PTPRD: variants seen among roughly 807,000 people sequenced by gnomAD.
PTPRD encodes receptor-type tyrosine-protein phosphatase delta.
PTPRD carries 34 observed loss-of-function variants against 214.5 expected under a neutral mutation model. The ratio of observed to expected loss-of-function variants is 0.16; its 90% CI spans 0.12 to 0.21. PTPRD has a LOEUF of 0.21. Among genes scored for constraint, PTPRD ranks in the 10% least tolerant of loss-of-function variants. The probability of loss-of-function intolerance (pLI) is 1.00; values close to 1 mark genes in which losing one functional copy is unlikely to be tolerated. For missense variants in PTPRD, 2,545 were observed against 2,398.7 expected (o/e 1.06, Z -1.27); for synonymous variants, 1,128 against 845.7 (o/e 1.33, Z -5.79).
At chr9:8,972,829 T>G (rs2099246548) in intron 11 of PTPRD, among the ~76,000 whole-genome samples, 1 of 151,932 alleles carries the variant, frequency 6.6e-6, no homozygotes, top group African/African-American at 2.4e-5. Context: ...TCCTGAGACA[T>G]AAATATGTGC....
At chr9:8,891,151 T>TTTTTTTTTTTTTTTTA (rs1345759298) in intron 11 of PTPRD, among the ~76,000 whole-genome samples, 1 of 149,636 alleles carries the variant, frequency 6.7e-6, no homozygotes, top group African/African-American at 2.5e-5. Context: ...TTTTTTTTTT[T>TTTTTTTTTTTTTTTTA]GAGACTGAGT....
At chr9:9,477,112 T>A (rs2095107929) in intron 8 of PTPRD, among the ~76,000 whole-genome samples, 1 of 152,164 alleles carries the variant, frequency 6.6e-6, no homozygotes, top group Non-Finnish European at 1.5e-5. Context: ...AAGTGAGTGA[T>A]TCAGCAAATG....
At chr9:9,684,380 T>C (rs1197740230) in intron 7 of PTPRD, among the ~76,000 whole-genome samples, 1 of 151,662 alleles carries the variant, frequency 6.6e-6, no homozygotes, top group Non-Finnish European at 1.5e-5. Context: ...AATATTTTAC[T>C]GAGGCATTTT....
intron 7 of PTPRD, among the ~76,000 whole-genome samples, chr9:9,702,183 G>C (rs1048672968): frequency 1.3e-5 from 2 of 152,076 alleles, no homozygotes; most frequent in Non-Finnish European, 2.9e-5. Context: ...TGACGAGAAA[G>C]AAAAGGGCTA....
At chr9:9,354,110 C>T (rs1420072060) in intron 9 of PTPRD, among the ~76,000 whole-genome samples, 2 of 151,682 alleles carry the variant, frequency 1.3e-5, no homozygotes, top group African/African-American at 4.8e-5. Flanking sequence ...GGTGAATCCC[C>T]CCACACTTCA....
At chr9:8,379,324 T>A (rs1288005744) in intron 37 of PTPRD, among the ~76,000 whole-genome samples, 1 of 152,140 alleles carries the variant, frequency 6.6e-6, no homozygotes, top group African/African-American at 2.4e-5. Flanking sequence ...CATTTTTCCC[T>A]TTGCTGGTAA....
chr9:9,369,756 A>C (rs188483006), intron 9 of PTPRD, among the ~76,000 whole-genome samples: 1 of 152,290 alleles, frequency 6.6e-6, no homozygotes, highest in Admixed American at 6.5e-5. Flanking sequence ...CTAACACATA[A>C]GTCTTTAATC....
intron 43 of PTPRD, among the ~76,000 whole-genome samples, chr9:8,338,105 C>T (rs1224333866): frequency 6.6e-6 from 1 of 152,032 alleles, no homozygotes; most frequent in Non-Finnish European, 1.5e-5. Flanking sequence ...GAGAAAGCTG[C>T]TTTCCAGAAA....
intron 2 of PTPRD, among the ~76,000 whole-genome samples, chr9:10,564,168 A>ATTTTTTTTTTT (rs1591017043): frequency 5.1e-4 from 6 of 11,878 alleles, no homozygotes; most frequent in African/African-American, 5.4e-4. Flanking sequence ...ACACTAGGCT[A>ATTTTTTTTTTT]TTCTTTTTTT....
chr9:9,451,247 T>G (rs2092090107), intron 8 of PTPRD, among the ~76,000 whole-genome samples: 1 of 151,538 alleles, frequency 6.6e-6, no homozygotes, highest in Non-Finnish European at 1.5e-5. Context: ...TCTGAGAACC[T>G]AAGGAACAGC....
At chr9:10,037,329 T>C (rs2097202871) in intron 3 of PTPRD, among the ~76,000 whole-genome samples, 1 of 151,990 alleles carries the variant, frequency 6.6e-6, no homozygotes, top group South Asian at 2.1e-4. Flanking sequence ...TTTAACACCA[T>C]CCCCCTTGGT....
chr9:9,206,512 T>A (rs1187347063), intron 9 of PTPRD, among the ~76,000 whole-genome samples: 2 of 152,150 alleles, frequency 1.3e-5, no homozygotes, highest in African/African-American at 4.8e-5. Context: ...TCTGTGAGGT[T>A]GTTGCCAAAA....
chr9:8,795,541 G>C (rs1418567502), intron 11 of PTPRD, among the ~76,000 whole-genome samples: 1 of 152,108 alleles, frequency 6.6e-6, no homozygotes, highest in Admixed American at 6.5e-5. Context: ...TCACACATTG[G>C]ATACCACCAC....
intron 8 of PTPRD, among the ~76,000 whole-genome samples, chr9:9,490,999 A>G (rs186703537): frequency 2.0e-5 from 3 of 152,032 alleles, no homozygotes; most frequent in African/African-American, 7.2e-5. Flanking sequence ...TAAAAGTTAG[A>G]CAATGGCAGA....
At chr9:8,677,284 A>G (rs1162794633) in intron 12 of PTPRD, among the ~76,000 whole-genome samples, 1 of 152,216 alleles carries the variant, frequency 6.6e-6, no homozygotes, top group Non-Finnish European at 1.5e-5. Flanking sequence ...GTTCATCAAC[A>G]GTAGACAGGA....
chr9:9,666,753 C>T lies in PTPRD; in HGVS notation c.-287+67780G>A, dbSNP rs111762708. ...TCTCATTCCCCTTCAATGAGTTCCA[C>T]ACATTCTAAAACTGAAATCTAAAAC... On this transcript the variant is annotated intron_variant, in intron 7 of 45. Coordinates refer to ENST00000381196, the MANE Select transcript of PTPRD (RefSeq NM_002839.4). Among the ~76,000 whole-genome samples the T allele has an allele frequency of 2.9e-3, 434 of 152,116 alleles. 2 individuals carry two copies. The highest frequency in any genetic ancestry group is 9.9e-3 in the African/African-American group (410 of 41,540).
chr9:9,828,928 A>G (rs535548433), intron 5 of PTPRD, among the ~76,000 whole-genome samples: 1 of 151,924 alleles, frequency 6.6e-6, no homozygotes, highest in African/African-American at 2.4e-5. Flanking sequence ...TTTGCTGTAA[A>G]TGTAGACTTA....
chr9:9,050,707 T>G (rs1383031639), intron 10 of PTPRD, among the ~76,000 whole-genome samples: 1 of 152,204 alleles, frequency 6.6e-6, no homozygotes, highest in African/African-American at 2.4e-5. Context: ...TCTTAGTAGC[T>G]GTCTAGGTTA....
chr9:8,888,830 T>A (rs185984514), intron 11 of PTPRD, among the ~76,000 whole-genome samples: 5 of 152,188 alleles, frequency 3.3e-5, no homozygotes, highest in Admixed American at 2.0e-4. Context: ...GACTTTGGAG[T>A]CCAACTATCT....
Sources: allele counts gnomAD v4.1 joint callset (sites outside exome capture counted in the v4.1 genomes callset), GRCh38; gene constraint gnomAD v4.1.1; transcripts MANE v1.5; gene names NCBI Gene and HGNC (gene_info 2026-07-23, HGNC 2026-07-21).